AKR1D1: variants seen among roughly 807,000 people sequenced by gnomAD.
AKR1D1 encodes aldo-keto reductase family 1 member D1.
Under a neutral mutation model 42.6 loss-of-function variants are expected in AKR1D1, and 32 were observed. The observed-to-expected ratio is 0.75, with a 90% CI of 0.57 to 1.01. AKR1D1 has a LOEUF of 1.01. Among genes scored for constraint, AKR1D1 ranks in the 50% least tolerant of loss-of-function variants. AKR1D1 has a pLI of 0.00. For missense variants in AKR1D1, 364 were observed against 402.2 expected, an observed-to-expected ratio of 0.91 and a Z score of 0.81; for synonymous variants, 123 against 135.5, an observed-to-expected ratio of 0.91 and a Z score of 0.64.
At chr7:138,089,951 A>AT (rs1260153695) in intron 2 of AKR1D1, among the ~76,000 whole-genome samples, 3 of 151,896 alleles carry the variant, frequency 2.0e-5, no homozygotes, top group South Asian at 2.1e-4. Context: ...CTGGACCTCA[A>AT]TTTTTTTTCT....
intron 4 of AKR1D1, among the ~76,000 whole-genome samples, chr7:138,100,088 CAAAAAAAAAAAAAAAAAAA>C (rs59361346): frequency 4.6e-5 from 2 of 43,538 alleles, no homozygotes; most frequent in South Asian, 1.7e-3. Flanking sequence ...GATTTCATCT[CAAAAAAAAAAAAAAAAAAA>C]AAAAAAAAAA....
At position 138,091,889 on chromosome 7, in the gene AKR1D1, G is replaced by T. The variant is rs377104310; in HGVS notation, c.378+5G>T. ...GAAGTACCCATGGCCTTTAAGGTGA[G>T]TTCAGATGCCCAAAGGTCAGGTCTC... On this transcript the variant is annotated splice_donor_5th_base_variant and intron_variant, in intron 3 of 8. Transcript: ENST00000242375. The T allele has an allele frequency of 1.3e-6, 2 of 1,596,562 alleles. No individual in the cohort carries two copies. The highest frequency in any genetic ancestry group is 1.7e-6 in the Non-Finnish European group (2 of 1,164,654).
chr7:138,076,643 G>A, intron 1 of AKR1D1, 32 bp downstream of exon 1: 1 of 1,556,592 alleles, frequency 6.4e-7, no homozygotes, highest in Admixed American at 1.7e-5. Flanking sequence ...TTGCTTGCTT[G>A]TTTGTTTCTT....
chr7:138,082,296 C>T lies in AKR1D1; in HGVS notation c.93+5685C>T, dbSNP rs117717727. ...TGGTTCTTTCCTAAATCTTCTAGGG[C>T]ACTTTTCATAGTTTCCTGTCCTCTA... On this transcript the variant is annotated intron_variant, in intron 1 of 8. Coordinates refer to ENST00000242375, the MANE Select transcript of AKR1D1 (RefSeq NM_005989.4). Among the ~76,000 whole-genome samples, 552 of 152,132 alleles carry T rather than the reference C, an allele frequency of 3.6e-3. 8 individuals carry two copies. Among genetic ancestry groups the T allele is most frequent in the Admixed American group, 0.031 (469 of 15,252 alleles).
Position 138,105,324 on chromosome 7 carries a change from A to G in AKR1D1, c.474A>G (p.Lys158=), listed in dbSNP as rs968551135. Residue 158 remains lysine, a synonymous_variant, in exon 5 of 9, where the codon AAA becomes AAG. Transcript: ENST00000242375. ...CTCTACAGGCGATGGAAGCTTGCAA[A>G]GACGCTGGCTTGGTGAAATCCCTGG... ...CATWEAMEAC[K]DAGLVKSLGV... 5 of 1,614,164 alleles carry G rather than the reference A, an allele frequency of 3.1e-6. No individual in the cohort carries two copies. The highest frequency in any genetic ancestry group is 4.2e-6 in the Non-Finnish European group (5 of 1,180,028).
At chr7:138,085,054 C>CAAAAAAAAAAAA (rs58253168) in intron 1 of AKR1D1, among the ~76,000 whole-genome samples, 1 of 70,822 alleles carries the variant, frequency 1.4e-5, no homozygotes, top group African/African-American at 6.1e-5. Context: ...GACTCCGTCT[C>CAAAAAAAAAAAA]AAAAAAAAAA....
At chr7:138,097,987 A>G (rs1280683633) in intron 4 of AKR1D1, 44 bp downstream of exon 4, 2 of 1,388,316 alleles carry the variant, frequency 1.4e-6, no homozygotes, top group African/African-American at 2.8e-5. Context: ...GATATTTTTA[A>G]AACTGTGATC....
intron 3 of AKR1D1, among the ~76,000 whole-genome samples, chr7:138,093,111 C>T (rs945113725): frequency 6.7e-6 from 1 of 149,782 alleles, no homozygotes; most frequent in Non-Finnish European, 1.5e-5. Context: ...GCTCTGTTGC[C>T]AGGCTGAAGT....
intron 7 of AKR1D1, 57 bp downstream of exon 7, chr7:138,107,637 T>G (rs187108361): frequency 6.3e-7 from 1 of 1,582,830 alleles, no homozygotes; most frequent in Admixed American, 1.7e-5. Context: ...ATTTTTGCTT[T>G]TATAGAATGT....
At chr7:138,105,715 C>T (rs867005692) in intron 5 of AKR1D1, among the ~76,000 whole-genome samples, 1 of 152,048 alleles carries the variant, frequency 6.6e-6, no homozygotes, top group Non-Finnish European at 1.5e-5. Flanking sequence ...GGTGAAACCC[C>T]GTCTGTACTA....
chr7:138,097,489 G>T (rs1416634686), intron 3 of AKR1D1, among the ~76,000 whole-genome samples: 1 of 152,240 alleles, frequency 6.6e-6, no homozygotes, highest in Non-Finnish European at 1.5e-5. Context: ...ACAAGGCAAA[G>T]AAACAAATAT....
intron 1 of AKR1D1, among the ~76,000 whole-genome samples, chr7:138,085,054 C>CA (rs58253168): frequency 0.14 from 9,850 of 70,694 alleles, 1,229 homozygotes; most frequent in African/African-American, 0.2. Flanking sequence ...GACTCCGTCT[C>CA]AAAAAAAAAA....
At chr7:138,109,625 G>A (rs572607081) in intron 7 of AKR1D1, among the ~76,000 whole-genome samples, 2 of 152,150 alleles carry the variant, frequency 1.3e-5, no homozygotes, top group East Asian at 3.8e-4. Context: ...GGGAAGGAAA[G>A]TTCGTAAAAA....
Position 138,116,624 on chromosome 7 carries a change from C to T in AKR1D1, c.943C>T (p.Arg315Cys), listed in dbSNP as rs112849023. Residue 315 changes from arginine to cysteine, a missense_variant, in exon 9 of 9, where the codon CGC becomes TGC. By Grantham distance (180) the Arg-to-Cys change is radical. Transcript: ENST00000242375. ...GTGGGGGAATTGTTTTGGCAGGTGG[C>T]GCGATCATCCTGAATACCCATTTCA... ...NVRFVELLMW[R>C]DHPEYPFHDE... 33 of 1,614,124 alleles carry T rather than the reference C, an allele frequency of 2.0e-5. No individual in the cohort carries two copies. The highest frequency in any genetic ancestry group is 1.7e-4 in the African/African-American group (13 of 75,018).
chr7:138,100,630 A>G (rs1004873801), intron 4 of AKR1D1, among the ~76,000 whole-genome samples: 14 of 152,114 alleles, frequency 9.2e-5, no homozygotes, highest in African/African-American at 3.4e-4. Flanking sequence ...AGAGCTTCAA[A>G]ATACATGAAG....
At chr7:138,107,094 T>G in intron 6 of AKR1D1, 1 of 537,972 alleles carries the variant, frequency 1.9e-6, no homozygotes, top group Non-Finnish European at 3.4e-6. Flanking sequence ...TTAAGATGAT[T>G]CCAAAAGTTG....
chr7:138,115,512 T>A (rs1272427048), intron 8 of AKR1D1, among the ~76,000 whole-genome samples: 1 of 152,146 alleles, frequency 6.6e-6, no homozygotes, highest in Non-Finnish European at 1.5e-5. Context: ...GGTGACATTA[T>A]TCAGTTTGAC....
At chr7:138,100,112 A>AAAAAAAAAAAAAAAAAAAAAG (rs1794265033) in intron 4 of AKR1D1, among the ~76,000 whole-genome samples, 1 of 138,826 alleles carries the variant, frequency 7.2e-6, no homozygotes, top group African/African-American at 2.9e-5. Flanking sequence ...AAAAAAAAAA[A>AAAAAAAAAAAAAAAAAAAAAG]AAAAAACATA....
intron 7 of AKR1D1, 102 bp from the exon 8 acceptor site, chr7:138,113,588 T>G: frequency 1.1e-6 from 1 of 948,484 alleles, no homozygotes; most frequent in Non-Finnish European, 1.7e-6. Flanking sequence ...CTTAGACATT[T>G]GCAGAGATAT....
Sources: allele counts gnomAD v4.1 joint callset (sites outside exome capture counted in the v4.1 genomes callset), GRCh38; gene constraint gnomAD v4.1.1; transcripts MANE v1.5; gene names NCBI Gene and HGNC (gene_info 2026-07-23, HGNC 2026-07-21).